The following SPOP variants were observed in gnomAD, a reference collection of about 807,000 sequenced individuals.
SPOP encodes speckle-type POZ protein.
A neutral mutation model predicts 45.6 loss-of-function variants in SPOP; 11 were observed. The ratio of observed to expected loss-of-function variants is 0.24; its 90% CI spans 0.15 to 0.40. SPOP has a LOEUF of 0.40. Ranked by LOEUF, SPOP falls within the 10% of genes least tolerant of loss-of-function variation. The probability of loss-of-function intolerance (pLI) is 1.00; values close to 1 mark genes in which losing one functional copy is unlikely to be tolerated. For missense variants in SPOP, 152 were observed against 465.6 expected, an observed-to-expected ratio of 0.33 and a Z score of 6.20; for synonymous variants, 166 against 166.3, an observed-to-expected ratio of 1.00 and a Z score of 0.01.
At chr17:49,654,421 T>C (rs1296649023) in intron 1 of SPOP, among the ~76,000 whole-genome samples, 1 of 152,238 alleles carries the variant, frequency 6.6e-6, no homozygotes, top group East Asian at 1.9e-4. Flanking sequence ...ACTGTTACAA[T>C]GTCTGGCATG....
At chr17:49,677,158 C>A (rs1407163694) in intron 1 of SPOP, among the ~76,000 whole-genome samples, 2 of 152,184 alleles carry the variant, frequency 1.3e-5, no homozygotes, top group Non-Finnish European at 2.9e-5. Flanking sequence ...GACCCTTAGT[C>A]TTCTTTAGCA....
chr17:49,610,287 C>T (rs191470198), intron 6 of SPOP, among the ~76,000 whole-genome samples: 11 of 151,750 alleles, frequency 7.2e-5, no homozygotes, highest in South Asian at 2.1e-4. Flanking sequence ...GGCATGATCT[C>T]GGCTCACTGC....
At chr17:49,632,326 C>T (rs188084424) in intron 1 of SPOP, among the ~76,000 whole-genome samples, 11 of 152,102 alleles carry the variant, frequency 7.2e-5, no homozygotes, top group Admixed American at 1.3e-4. Context: ...TCCAAGAAAA[C>T]GGAAGAAAAG....
At position 49,629,244 on chromosome 17, in the gene SPOP, A is replaced by C. The variant is rs184726821; in HGVS notation, c.-66-6368T>G. ...AACACAGCAAGACTCTATCTCAAAA[A>C]AAAAAATAAAAAATACTCTGATGAC... On this transcript the variant is annotated intron_variant, in intron 1 of 9. Transcript: ENST00000504102. Among the ~76,000 whole-genome samples, 387 of 152,284 alleles carry C rather than the reference A, an allele frequency of 2.5e-3. 2 individuals are homozygous for C. Among genetic ancestry groups the C allele is most frequent in the African/African-American group, 8.5e-3 (355 of 41,560 alleles).
At chr17:49,655,300 A>G (rs1277607147) in intron 1 of SPOP, among the ~76,000 whole-genome samples, 1 of 152,158 alleles carries the variant, frequency 6.6e-6, no homozygotes, top group Non-Finnish European at 1.5e-5. Context: ...TCACGAGGTC[A>G]GGAGATCGAG....
intron 1 of SPOP, among the ~76,000 whole-genome samples, chr17:49,637,458 C>A (rs2143410651): frequency 6.6e-6 from 1 of 152,222 alleles, no homozygotes; most frequent in Admixed American, 6.5e-5. Flanking sequence ...TCAAGCAATT[C>A]TCCTGCCTCA....
chr17:49,673,304 G>C (rs1010471393), intron 1 of SPOP, among the ~76,000 whole-genome samples: 4 of 152,128 alleles, frequency 2.6e-5, no homozygotes, highest in Non-Finnish European at 5.9e-5. Flanking sequence ...AGGAGATCAA[G>C]ACCATCCTGG....
At chr17:49,603,006 T>C (rs2071767685) in intron 8 of SPOP, among the ~76,000 whole-genome samples, 1 of 152,084 alleles carries the variant, frequency 6.6e-6, no homozygotes, top group Admixed American at 6.5e-5. Context: ...AGGAAAACAG[T>C]TTGCTTTGAG....
At chr17:49,651,616 G>A in intron 1 of SPOP, among the ~76,000 whole-genome samples, 1 of 152,092 alleles carries the variant, frequency 6.6e-6, no homozygotes, top group East Asian at 1.9e-4. Context: ...GGAATAAAAG[G>A]CTTCCTTTAT....
chr17:49,632,375 CA>C (rs1403110784), intron 1 of SPOP, among the ~76,000 whole-genome samples: 1 of 152,064 alleles, frequency 6.6e-6, no homozygotes, highest in Non-Finnish European at 1.5e-5. Context: ...CCTGAATCCA[CA>C]AGACAATAGT....
At chr17:49,671,288 G>A (rs755825943) in intron 1 of SPOP, among the ~76,000 whole-genome samples, 4 of 151,380 alleles carry the variant, frequency 2.6e-5, no homozygotes, top group Non-Finnish European at 4.4e-5. Flanking sequence ...CAAATAACCT[G>A]TTAGAGGTTG....
At chr17:49,624,622 C>T (rs971722354) in intron 1 of SPOP, among the ~76,000 whole-genome samples, 1 of 152,076 alleles carries the variant, frequency 6.6e-6, no homozygotes, top group African/African-American at 2.4e-5. Flanking sequence ...GCGTGCACCA[C>T]CATACCACCT....
At chr17:49,665,479 G>C (rs1230062) in intron 1 of SPOP, among the ~76,000 whole-genome samples, 1 of 151,748 alleles carries the variant, frequency 6.6e-6, no homozygotes, top group African/African-American at 2.4e-5. Context: ...GCCAGGCGTG[G>C]TGGCAGGCGC....
At chr17:49,603,346 C>T (rs1046039975) in intron 8 of SPOP, among the ~76,000 whole-genome samples, 2 of 152,228 alleles carry the variant, frequency 1.3e-5, no homozygotes, top group East Asian at 1.9e-4. Flanking sequence ...GCTGCCCAGA[C>T]GATTCCTCTT....
chr17:49,629,747 T>C (rs564463180), intron 1 of SPOP, among the ~76,000 whole-genome samples: 1 of 152,324 alleles, frequency 6.6e-6, no homozygotes, highest in East Asian at 1.9e-4. Context: ...TTATTTCCCA[T>C]GAGCATTTCT....
At chr17:49,650,594 CAAT>C (rs2072830363) in intron 1 of SPOP, among the ~76,000 whole-genome samples, 1 of 151,930 alleles carries the variant, frequency 6.6e-6, no homozygotes, top group Non-Finnish European at 1.5e-5. Context: ...ATAATAATAA[CAAT>C]AATAAATAAA....
At chr17:49,615,273 AC>A (rs1205047531) in intron 5 of SPOP, among the ~76,000 whole-genome samples, 3 of 152,336 alleles carry the variant, frequency 2.0e-5, no homozygotes, top group Admixed American at 1.3e-4. Context: ...ATCTTTAGTT[AC>A]AACATGACAA....
At chr17:49,609,381 G>A (rs897817528) in intron 6 of SPOP, among the ~76,000 whole-genome samples, 7 of 152,184 alleles carry the variant, frequency 4.6e-5, no homozygotes, top group East Asian at 1.9e-4. Flanking sequence ...CTAAAGGCCC[G>A]GTGCTTTTCA....
Position 49,600,310 on chromosome 17 carries a change from G to C in SPOP, c.*68C>G. The stretch of plus-strand genomic sequence containing the variant: ...CTCCACAGATTGCGCTGTCTACCTG[G>C]TGGTCAGTGGCAGCAACAGTGGCTG... On this transcript the variant is annotated 3_prime_UTR_variant, in exon 10 of 10. Coordinates refer to ENST00000504102, the MANE Select transcript of SPOP (RefSeq NM_001007228.2). The surrounding 1 kb of genome is among the most constrained non-coding windows in gnomAD (Gnocchi z 4.2). The C allele has an allele frequency of 1.3e-6, 2 of 1,598,562 alleles. No homozygotes were observed. Among genetic ancestry groups the C allele is most frequent in the South Asian group, 2.2e-5 (2 of 90,402 alleles).
Sources: gnomAD v4.1 joint callset for allele counts (sites outside exome capture counted in the v4.1 genomes callset) on GRCh38, gnomAD v4.1.1 for gene constraint, Gnocchi (gnomAD v3.1) non-coding constraint, MANE v1.5 for transcripts, NCBI Gene and HGNC (gene_info 2026-07-23, HGNC 2026-07-21) for gene names.